The following KCNN2 variants were observed in gnomAD, a reference collection of about 807,000 sequenced individuals.
KCNN2 encodes potassium calcium-activated channel subfamily N member 2.
A neutral mutation model predicts 55.5 loss-of-function variants in KCNN2; 24 were observed. That is an observed-to-expected ratio of 0.43 (90% CI 0.31 to 0.61). KCNN2 has a LOEUF of 0.61. KCNN2 is among the 20% of genes least tolerant of loss of function. KCNN2 has a pLI of 0.08. For synonymous variants in KCNN2, 431 were observed against 336.1 expected, an observed-to-expected ratio of 1.28 and a Z score of -3.09; for missense variants, 754 against 853.6, an observed-to-expected ratio of 0.88 and a Z score of 1.45.
intron 1 of KCNN2, among the ~76,000 whole-genome samples, chr5:114,090,928 C>G (rs1751130774): frequency 6.6e-6 from 1 of 152,128 alleles, no homozygotes; most frequent in Admixed American, 6.6e-5. Context: ...GCCTTGACTT[C>G]CAGGGTTCAA....
intron 2 of KCNN2, among the ~76,000 whole-genome samples, chr5:114,234,932 C>G (rs909204855): frequency 3.3e-5 from 5 of 152,166 alleles, no homozygotes; most frequent in Non-Finnish European, 5.9e-5. Flanking sequence ...TTTTCTGTAT[C>G]TATCTCCTTT....
chr5:114,331,421 G>A (rs764635658), intron 2 of KCNN2, among the ~76,000 whole-genome samples: 1 of 152,164 alleles, frequency 6.6e-6, no homozygotes, highest in African/African-American at 2.4e-5. Flanking sequence ...GCTACATGCA[G>A]GCCATGGGGA....
intron 1 of KCNN2, among the ~76,000 whole-genome samples, chr5:114,209,442 C>T (rs1184151452): frequency 2.6e-5 from 4 of 151,862 alleles, no homozygotes; most frequent in South Asian, 2.1e-4. Context: ...TTGTGAAATC[C>T]GTGGACCCTT....
intron 3 of KCNN2, among the ~76,000 whole-genome samples, chr5:114,442,294 A>T (rs1166578901): frequency 2.6e-5 from 4 of 151,598 alleles, no homozygotes; most frequent in African/African-American, 9.7e-5. Flanking sequence ...ATAGAGAGAG[A>T]GAGTCAATAT....
At chr5:114,259,107 G>A (rs1355422709) in intron 2 of KCNN2, among the ~76,000 whole-genome samples, 1 of 152,216 alleles carries the variant, frequency 6.6e-6, no homozygotes, top group African/African-American at 2.4e-5. Context: ...TTGCAGAGCT[G>A]AGTACAGTGC....
chr5:114,165,001 C>G (rs993423044), intron 1 of KCNN2, among the ~76,000 whole-genome samples: 3 of 152,134 alleles, frequency 2.0e-5, no homozygotes, highest in African/African-American at 7.2e-5. Flanking sequence ...GAGTAAGGCA[C>G]AGAAAGTTTA....
chr5:114,376,110 T>G (rs1757929978), intron 2 of KCNN2, among the ~76,000 whole-genome samples: 1 of 150,726 alleles, frequency 6.6e-6, no homozygotes, highest in Non-Finnish European at 1.5e-5. Context: ...TGGATGTTTC[T>G]TACACTGGGG....
chr5:114,252,977 C>T (rs1186051379), intron 2 of KCNN2, among the ~76,000 whole-genome samples: 1 of 152,118 alleles, frequency 6.6e-6, no homozygotes, highest in Non-Finnish European at 1.5e-5. Flanking sequence ...ATGCTCTTTC[C>T]CCTGACTTGG....
intron 2 of KCNN2, among the ~76,000 whole-genome samples, chr5:114,245,316 A>G (rs1361656891): frequency 6.6e-6 from 1 of 152,260 alleles, no homozygotes; most frequent in South Asian, 2.1e-4. Flanking sequence ...TCTGAATGTT[A>G]GCAGGATTAT....
At chr5:114,083,373 A>G (rs1750865502) in intron 1 of KCNN2, among the ~76,000 whole-genome samples, 1 of 152,044 alleles carries the variant, frequency 6.6e-6, no homozygotes, top group Non-Finnish European at 1.5e-5. Flanking sequence ...TCTTTCTTGA[A>G]TAAGGGTTCA....
intron 2 of KCNN2, among the ~76,000 whole-genome samples, chr5:114,227,803 C>A (rs1754268042): frequency 6.6e-6 from 1 of 151,886 alleles, no homozygotes. Context: ...TCCTAAATAG[C>A]AAGGTTGCAG....
At chr5:114,368,449 G>A (rs184375761) in intron 2 of KCNN2, among the ~76,000 whole-genome samples, 33 of 152,274 alleles carry the variant, frequency 2.2e-4, no homozygotes, top group Admixed American at 1.1e-3. Flanking sequence ...ACAGGAAAGA[G>A]TGAGTGAGGG....
intron 2 of KCNN2, among the ~76,000 whole-genome samples, chr5:114,375,935 A>T (rs1275385031): frequency 3.5e-5 from 3 of 85,944 alleles, no homozygotes; most frequent in African/African-American, 1.3e-4. Context: ...TAAATCATTT[A>T]AAAAAAGACT....
intron 6 of KCNN2, chr5:114,490,818 C>G (rs1395202539): frequency 5.0e-6 from 2 of 397,260 alleles, no homozygotes; most frequent in Non-Finnish European, 8.9e-6. Flanking sequence ...AAATGTGATC[C>G]AAAATCATGA....
At chr5:114,134,334 C>CT (rs11443815) in intron 1 of KCNN2, among the ~76,000 whole-genome samples, 4,073 of 147,850 alleles carry the variant, frequency 0.028, 186 homozygotes, top group African/African-American at 0.094. Context: ...ATTTAGAAAA[C>CT]TTTTTTTTTT....
At chr5:114,157,826 T>G (rs1277413647) in intron 1 of KCNN2, among the ~76,000 whole-genome samples, 3 of 151,246 alleles carry the variant, frequency 2.0e-5, no homozygotes, top group Admixed American at 1.3e-4. Context: ...GTCTGTTCAT[T>G]TCCTTTGCCC....
At chr5:114,311,062 C>T (rs1262980937) in intron 2 of KCNN2, among the ~76,000 whole-genome samples, 2 of 151,986 alleles carry the variant, frequency 1.3e-5, no homozygotes, top group Non-Finnish European at 2.9e-5. Context: ...CAAATTTGGG[C>T]AGTGACTTGG....
intron 2 of KCNN2, among the ~76,000 whole-genome samples, chr5:114,314,707 G>A (rs531600228): frequency 2.0e-5 from 3 of 152,220 alleles, no homozygotes; most frequent in African/African-American, 7.2e-5. Context: ...GGCAGCCAAA[G>A]TGTAGAATAA....
At chr5:114,143,144 AG>A (rs1752322710) in intron 1 of KCNN2, among the ~76,000 whole-genome samples, 1 of 152,202 alleles carries the variant, frequency 6.6e-6, no homozygotes, top group South Asian at 2.1e-4. Flanking sequence ...AATTTTAGTG[AG>A]GGTGGGGGTA....
Sources: allele counts gnomAD v4.1 joint callset (sites outside exome capture counted in the v4.1 genomes callset), GRCh38; gene constraint gnomAD v4.1.1; transcripts MANE v1.5; gene names NCBI Gene and HGNC (gene_info 2026-07-23, HGNC 2026-07-21).